CNTLN: variants seen among roughly 807,000 people sequenced by gnomAD.
CNTLN encodes the protein centlein, also known as centlein, centrosomal protein.
Under a neutral mutation model 180.0 loss-of-function variants are expected in CNTLN, and 212 were observed. The observed-to-expected ratio is 1.18, with a 90% CI of 1.05 to 1.32. The LOEUF is 1.32. Among genes scored for constraint, CNTLN ranks in the 40% most tolerant of loss-of-function variants. The probability of loss-of-function intolerance (pLI) is 0.00; values close to 1 mark genes in which losing one functional copy is unlikely to be tolerated. For synonymous variants in CNTLN, 722 were observed against 563.1 expected, an observed-to-expected ratio of 1.28 and a Z score of -3.99; for missense variants, 2,095 against 1,610.9, an observed-to-expected ratio of 1.30 and a Z score of -5.14.
chr9:17,468,914 T>C (rs1404129856), intron 23 of CNTLN, among the ~76,000 whole-genome samples: 1 of 151,792 alleles, frequency 6.6e-6, no homozygotes, highest in Non-Finnish European at 1.5e-5. Context: ...ATAGATGAAT[T>C]CAGGATTGCT....
chr9:17,527,125 C>T, the CNTLN span, among the ~76,000 whole-genome samples: 4 of 152,040 alleles, frequency 2.6e-5, no homozygotes, highest in Admixed American at 6.6e-5. Flanking sequence ...TCAAGTGATC[C>T]GCCTACCTCA....
chr9:17,197,448 C>T (rs1029038965), intron 2 of CNTLN, among the ~76,000 whole-genome samples: 21 of 152,048 alleles, frequency 1.4e-4, no homozygotes, highest in Non-Finnish European at 2.1e-4. Context: ...GGTACATGTG[C>T]ACAGTGTGCA....
chr9:17,504,146 G>A (rs1833886444), downstream of CNTLN, among the ~76,000 whole-genome samples: 1 of 152,050 alleles, frequency 6.6e-6, no homozygotes, highest in Non-Finnish European at 1.5e-5. Context: ...AACAGGAAAA[G>A]AAGAAAGAAA....
chr9:17,144,644 T>C (rs1272459660), intron 2 of CNTLN, among the ~76,000 whole-genome samples: 1 of 151,630 alleles, frequency 6.6e-6, no homozygotes, highest in African/African-American at 2.4e-5. Context: ...ATACAGAGTA[T>C]ATATTCATAT....
chr9:17,146,439 C>G (rs1167273012), intron 2 of CNTLN, among the ~76,000 whole-genome samples: 11 of 152,128 alleles, frequency 7.2e-5, no homozygotes, highest in Non-Finnish European at 1.6e-4. Context: ...ATGTTGAACC[C>G]TAATACCCAA....
chr9:17,163,609 G>A (rs1012515534), intron 2 of CNTLN, among the ~76,000 whole-genome samples: 8 of 152,146 alleles, frequency 5.3e-5, no homozygotes, highest in Admixed American at 2.0e-4. Context: ...TATTACAGTC[G>A]CTGGCACAAA....
intron 2 of CNTLN, among the ~76,000 whole-genome samples, chr9:17,160,828 C>T (rs1819627378): frequency 6.6e-6 from 1 of 152,146 alleles, no homozygotes; most frequent in African/African-American, 2.4e-5. Flanking sequence ...AGTAACCTGA[C>T]TGTGAGATTT....
intron 22 of CNTLN, 98 bp from the exon 23 acceptor site, chr9:17,466,608 A>G (rs1326544495): frequency 1.1e-6 from 1 of 917,038 alleles, no homozygotes; most frequent in Non-Finnish European, 1.6e-6. Flanking sequence ...ATACATAGAG[A>G]GAATAATAAA....
rs140998885 is a variant in CNTLN at position 17,303,302 on chromosome 9, T to A, written c.1146+4950T>A. On this transcript the variant is annotated intron_variant, in intron 7 of 25. Coordinates refer to ENST00000380647, the MANE Select transcript of CNTLN (RefSeq NM_017738.4). ...CTTGCATTATCCATTCTCATCCAAA[T>A]TTTTTCAACACTTAATAATTTCTAA... Among the ~76,000 whole-genome samples, 649 of 152,320 alleles carry A rather than the reference T, an allele frequency of 4.3e-3. 5 individuals are homozygous for A. The highest frequency in any genetic ancestry group is 0.015 in the African/African-American group (605 of 41,574).
intron 6 of CNTLN, among the ~76,000 whole-genome samples, chr9:17,279,863 C>G (rs938740928): frequency 6.6e-6 from 1 of 152,174 alleles, no homozygotes; most frequent in African/African-American, 2.4e-5. Context: ...TAATCCAATT[C>G]TCATGAATGA....
At chr9:17,367,696 C>T (rs551050232) in intron 13 of CNTLN, among the ~76,000 whole-genome samples, 16 of 152,206 alleles carry the variant, frequency 1.1e-4, no homozygotes, top group African/African-American at 3.9e-4. Context: ...TTATGAGACC[C>T]TTATTCTAGG....
intron 2 of CNTLN, among the ~76,000 whole-genome samples, chr9:17,215,689 G>T (rs1472282461): frequency 1.3e-5 from 2 of 152,126 alleles, no homozygotes; most frequent in Non-Finnish European, 2.9e-5. Context: ...TTGAACTGCG[G>T]TGGGCTCCAC....
At chr9:17,416,950 C>A (rs1416374888) in intron 18 of CNTLN, among the ~76,000 whole-genome samples, 1 of 152,090 alleles carries the variant, frequency 6.6e-6, no homozygotes, top group African/African-American at 2.4e-5. Context: ...CACTTAAATT[C>A]TCTAATTCTA....
chr9:17,322,160 A>T lies in CNTLN; in HGVS notation c.1342-8472A>T, dbSNP rs892128078. On this transcript the variant is annotated intron_variant, in intron 8 of 25. Transcript: ENST00000380647. ...TATATGTAGATATGACCACACAAAT[A>T]TATGGGAAATGATTTTTGGATAGTT... is the stretch of plus-strand genomic sequence containing the variant. 5.9e-5 allele frequency among the ~76,000 whole-genome samples: 9 copies of T among 152,232 alleles called. No homozygotes were observed. In the East Asian group the frequency reaches 1.7e-3, roughly 29 times the overall value.
chr9:17,510,293 TAGTGA>T, the CNTLN span, among the ~76,000 whole-genome samples: 1 of 152,136 alleles, frequency 6.6e-6, no homozygotes, highest in African/African-American at 2.4e-5. Context: ...CATATGACCA[TAGTGA>T]CCACATGACC....
chr9:17,270,947 C>CTTT lies in CNTLN; in HGVS notation c.850-2767_850-2765dup, dbSNP rs78896738. 4.7e-3 allele frequency among the ~76,000 whole-genome samples: 568 copies of CTTT among 122,078 alleles called. 46 individuals are homozygous for CTTT. Among genetic ancestry groups the CTTT allele is most frequent in the African/African-American group, 0.016 (482 of 30,306 alleles). The allele number at this position is 122,078 out of a possible 152,430, so 80.1% of individuals were successfully genotyped here. On this transcript the variant is annotated intron_variant, in intron 5 of 25. Transcript: ENST00000380647. ...AGGGCATTTCCTTCAGAGAGGAGTT[C>CTTT]TTTTTTTTTTTTTTTTTTTTTGAGA...
At position 17,145,167 on chromosome 9, in the gene CNTLN, C is replaced by G. The variant is rs189380081; in HGVS notation, c.449+1791C>G. Reference sequence around the variant, plus strand: ...GGAGAATTTATTAAAATGAAGATCTCTGGGCCTTTTACCTGATCTACTGAA... The same window carrying G: ...GGAGAATTTATTAAAATGAAGATCTGTGGGCCTTTTACCTGATCTACTGAA... On this transcript the variant is annotated intron_variant, in intron 2 of 25. Transcript: ENST00000380647. 4.2e-3 allele frequency among the ~76,000 whole-genome samples: 638 copies of G among 152,106 alleles called. 4 individuals are homozygous for G. The highest frequency in any genetic ancestry group is 6.9e-3 in the Admixed American group (106 of 15,276).
chr9:17,325,956 C>G (rs1318118763), intron 8 of CNTLN, among the ~76,000 whole-genome samples: 1 of 151,878 alleles, frequency 6.6e-6, no homozygotes, highest in African/African-American at 2.4e-5. Flanking sequence ...TAATAATGCC[C>G]TACAATATTT....
intron 2 of CNTLN, among the ~76,000 whole-genome samples, chr9:17,172,356 C>G (rs1820473845): frequency 6.6e-6 from 1 of 152,118 alleles, no homozygotes; most frequent in Admixed American, 6.5e-5. Context: ...ACTGATTTTC[C>G]TACACTTCTT....
Sources: gnomAD v4.1 joint callset for allele counts (sites outside exome capture counted in the v4.1 genomes callset) on GRCh38, gnomAD v4.1.1 for gene constraint, MANE v1.5 for transcripts, NCBI Gene and HGNC (gene_info 2026-07-23, HGNC 2026-07-21) for gene names.